TTC13: variants seen among roughly 807,000 people sequenced by gnomAD.
TTC13 encodes tetratricopeptide repeat domain 13.
In TTC13, 62 loss-of-function variants were observed where a neutral mutation model predicts 120.0. The ratio of observed to expected loss-of-function variants is 0.52; its 90% CI spans 0.42 to 0.64. TTC13 has a LOEUF of 0.64. Ranked by LOEUF, TTC13 falls within the 30% of genes least tolerant of loss-of-function variation. The probability of loss-of-function intolerance (pLI) is 0.00; values close to 1 mark genes in which losing one functional copy is unlikely to be tolerated. For synonymous variants in TTC13, 384 were observed against 393.5 expected, an observed-to-expected ratio of 0.98 and a Z score of 0.28; for missense variants, 824 against 1,050.2, an observed-to-expected ratio of 0.78 and a Z score of 2.98.
rs574471137 is a variant in TTC13, at chr1:230,940,310, A to G, written c.789+130T>C. ...AATTTCAGCTACAGAAAATGCTTTT[A>G]TAACTCTTATGACACAGACATATTA... On this transcript the variant is annotated intron_variant, in intron 7 of 22. Coordinates refer to ENST00000366661, the MANE Select transcript of TTC13 (RefSeq NM_024525.5). This position sits in a 1 kb window ranked among gnomAD's most constrained non-coding sequence, Gnocchi z 4.1. The G allele has an allele frequency of 1.5e-5, 8 of 522,900 alleles. No individual in the cohort carries two copies. The highest frequency in any genetic ancestry group is 1.4e-4 in the South Asian group (5 of 34,854). The allele number at this position is 522,900 out of a possible 1,614,324, so 32.4% of individuals were successfully genotyped here. A position where few individuals can be genotyped will look rare whatever the true frequency, so the allele number is the denominator to read the frequency against.
intron 18 of TTC13, 128 bp from the exon 19 acceptor site, chr1:230,912,886 C>T (rs1034860472): frequency 2.5e-6 from 2 of 807,954 alleles, no homozygotes; most frequent in East Asian, 2.6e-5. Context: ...TGTACCTTAC[C>T]TTTCTAACTA....
chr1:230,918,057 T>A (rs1269629218), intron 17 of TTC13, among the ~76,000 whole-genome samples: 1 of 152,248 alleles, frequency 6.6e-6, no homozygotes, highest in Non-Finnish European at 1.5e-5. Context: ...TCACACATAA[T>A]GTATGATTTT....
intron 17 of TTC13, among the ~76,000 whole-genome samples, chr1:230,917,964 G>A (rs1232895063): frequency 2.0e-5 from 3 of 152,168 alleles, no homozygotes; most frequent in Non-Finnish European, 2.9e-5. Flanking sequence ...GGGGCGCTGG[G>A]GAAATTTATG....
intron 22 of TTC13, among the ~76,000 whole-genome samples, 164 bp from the exon 23 acceptor site, chr1:230,907,183 A>G (rs977862032): frequency 6.6e-6 from 1 of 152,232 alleles, no homozygotes. Context: ...GGCTCCTCTC[A>G]CAACAACGGC....
At chr1:230,918,788 A>G (rs942901303) in intron 17 of TTC13, among the ~76,000 whole-genome samples, 1 of 152,200 alleles carries the variant, frequency 6.6e-6, no homozygotes, top group African/African-American at 2.4e-5. Context: ...AGCTCTGTTC[A>G]TGACATGCTA....
chr1:230,923,914 G>T lies in TTC13; in HGVS notation c.1741C>A (p.Pro581Thr), dbSNP rs1041312262. 3 of 1,613,698 alleles carry T rather than the reference G, an allele frequency of 1.9e-6. No homozygotes were observed. The African/African-American group carries it at 4.0e-5, about 22-fold the overall frequency. ...KWRRIADPDQ[P>T]VLWLDQMPAR... Reference sequence around the variant, plus strand: ...GGCATTTGATCTAACCACAGCACGGGCTGGTCTGGGTCAGCAATCCTATAA... The same window carrying T: ...GGCATTTGATCTAACCACAGCACGGTCTGGTCTGGGTCAGCAATCCTATAA... Residue 581 changes from proline (P) to threonine (T), a missense_variant, in exon 15 of 23, where the codon CCC (proline) becomes ACC (threonine). Around this residue, in one of 4 missense-constraint regions of TTC13, gnomAD observed 430 missense variants for 626.8 expected, o/e 0.69. Coordinates refer to ENST00000366661, the MANE Select transcript of TTC13 (RefSeq NM_024525.5).
intron 16 of TTC13, 132 bp downstream of exon 16, chr1:230,921,288 TA>T (rs1230255813): frequency 7.1e-6 from 4 of 561,718 alleles, no homozygotes; most frequent in Non-Finnish European, 1.3e-5. Context: ...TTTACGATTC[TA>T]AACACTGTGT....
chr1:230,961,490 G>A (rs1676636530), intron 1 of TTC13, among the ~76,000 whole-genome samples, 187 bp from the exon 2 acceptor site: 1 of 152,214 alleles, frequency 6.6e-6, no homozygotes, highest in African/African-American at 2.4e-5. Flanking sequence ...AGGCTCGCTT[G>A]AGGCAAGGAG....
intron 8 of TTC13, among the ~76,000 whole-genome samples, chr1:230,938,263 C>A (rs1009896112): frequency 7.9e-5 from 12 of 152,176 alleles, no homozygotes; most frequent in African/African-American, 2.2e-4. Context: ...CGTTCTCAGG[C>A]CCGTCTGTCT....
chr1:230,915,542 A>G (rs1302918895), intron 18 of TTC13, among the ~76,000 whole-genome samples: 1 of 152,252 alleles, frequency 6.6e-6, no homozygotes, highest in Non-Finnish European at 1.5e-5. Flanking sequence ...CAAAAAGATC[A>G]GTCAGAGAAA....
At chr1:230,958,993 C>G (rs1024217012) in intron 2 of TTC13, among the ~76,000 whole-genome samples, 1 of 152,112 alleles carries the variant, frequency 6.6e-6, no homozygotes, top group Non-Finnish European at 1.5e-5. Context: ...GAGACTCTGT[C>G]TCAAAAATAA....
intron 20 of TTC13, chr1:230,911,256 A>C: frequency 5.6e-6 from 2 of 354,634 alleles, no homozygotes. Flanking sequence ...CTATCCTATT[A>C]AACGTAAGCA....
chr1:230,964,275 T>A (rs1255850763), intron 1 of TTC13, among the ~76,000 whole-genome samples: 1 of 152,216 alleles, frequency 6.6e-6, no homozygotes, highest in Non-Finnish European at 1.5e-5. Context: ...TGTACCCACT[T>A]ACAATAGATT....
intron 2 of TTC13, among the ~76,000 whole-genome samples, chr1:230,959,444 C>T (rs990701361): frequency 2.6e-5 from 4 of 152,034 alleles, no homozygotes; most frequent in South Asian, 4.2e-4. Flanking sequence ...TGCAATGGCA[C>T]GATCTCGGCT....
intron 6 of TTC13, among the ~76,000 whole-genome samples, chr1:230,941,582 C>T (rs116246958): frequency 2.1e-3 from 327 of 152,292 alleles, no homozygotes; most frequent in African/African-American, 7.7e-3. Flanking sequence ...GGATTACAGG[C>T]ATAAGCCACC....
Position 230,928,917 on chromosome 1 carries a change from T to C in TTC13, c.1457+20A>G, listed in dbSNP as rs745497648. The C allele has an allele frequency of 1.2e-6, 2 of 1,610,198 alleles. No homozygotes were observed. The highest frequency in any genetic ancestry group is 2.2e-5 in the South Asian group (2 of 90,530). On this transcript the variant is annotated intron_variant, in intron 12 of 22. Coordinates refer to ENST00000366661, the MANE Select transcript of TTC13 (RefSeq NM_024525.5). The stretch of plus-strand genomic sequence containing the variant: ...GTTTTGAGAAAGGAAAAAAAAATCA[T>C]CTTCATTTAAAGCACTTACTTTATG...
intron 1 of TTC13, among the ~76,000 whole-genome samples, chr1:230,970,895 T>C (rs2103002124): frequency 6.6e-6 from 1 of 152,160 alleles, no homozygotes; most frequent in South Asian, 2.1e-4. Flanking sequence ...AAAAGTAGAG[T>C]GCCAGATATT....
intron 14 of TTC13, among the ~76,000 whole-genome samples, 168 bp from the exon 15 acceptor site, chr1:230,924,101 G>A (rs1672833015): frequency 6.6e-6 from 1 of 152,178 alleles, no homozygotes; most frequent in African/African-American, 2.4e-5. Context: ...TGGACCAGGC[G>A]AAAAGCCAGG....
chr1:230,978,567 C>T lies in TTC13; in HGVS notation c.264G>A (p.Glu88=), dbSNP rs1011487790. ...SGDWGDQYSA[E]CGESSFLNFH... ...CCGCCGCCGCCCACTCACCGCCGCACTCGGCAGAGTACTGGTCCCCCCAGT... is the reference window on the plus strand; with the variant it reads ...CCGCCGCCGCCCACTCACCGCCGCATTCGGCAGAGTACTGGTCCCCCCAGT... Residue 88 remains glutamate (E), a synonymous_variant, in exon 1 of 23, where the codon GAG becomes GAA. Transcript: ENST00000366661. This position sits in a 1 kb window ranked among gnomAD's most constrained non-coding sequence, Gnocchi z 5.6. 6.0e-6 allele frequency: 7 copies of T among 1,164,284 alleles called. No homozygotes were observed. Among genetic ancestry groups the T allele is most frequent in the South Asian group, 4.0e-5 (2 of 49,488 alleles). The allele number at this position is 1,164,284 out of a possible 1,614,324, so 72.1% of individuals were successfully genotyped here. A position where few individuals can be genotyped will look rare whatever the true frequency, so the allele number is the denominator to read the frequency against.
Sources: gnomAD v4.1 joint callset for allele counts (sites outside exome capture counted in the v4.1 genomes callset) on GRCh38, gnomAD v4.1.1 for gene constraint, gnomAD v4.1.1 regional missense constraint, Gnocchi (gnomAD v3.1) non-coding constraint, MANE v1.5 for transcripts, NCBI Gene and HGNC (gene_info 2026-07-23, HGNC 2026-07-21) for gene names.